Variants in LAMC2 observed in about 807,000 individuals in gnomAD.
LAMC2 encodes the protein laminin subunit gamma 2, also known as laminin subunit gamma-2.
In LAMC2, 97 loss-of-function variants were observed where a neutral mutation model predicts 140.2. The observed-to-expected ratio is 0.69, with a 90% CI of 0.59 to 0.82. The LOEUF (loss-of-function observed/expected upper bound fraction) is 0.82, where lower values mean the gene tolerates loss of function less well. Ranked by LOEUF, LAMC2 falls within the 40% of genes least tolerant of loss-of-function variation. The pLI is 0.00. For missense variants in LAMC2, 1,402 were observed against 1,476.1 expected, an observed-to-expected ratio of 0.95 and a Z score of 0.82; for synonymous variants, 513 against 540.2, an observed-to-expected ratio of 0.95 and a Z score of 0.70.
chr1:183,221,979 C>T (rs1359603002), intron 5 of LAMC2, 110 bp from the exon 6 acceptor site: 14 of 1,336,182 alleles, frequency 1.0e-5, no homozygotes, highest in Middle Eastern at 2.0e-4. Context: ...ATTGAGAAAA[C>T]CCCACTTTCT....
Position 183,220,938 on chromosome 1 carries a change from A to C in LAMC2, c.617A>C (p.Lys206Thr). ...AGCTCTGCAGAATACAGTGTCCATA[A>C]GATCACCTCTACCTTTCATCAAGGT... ...CRSSAEYSVH[K>T]ITSTFHQDVD... is the part of the protein sequence containing the mutation. The change falls in exon 5 of 23, where the codon AAG (lysine) becomes ACG (threonine). Residue 206 changes from lysine (K) to threonine (T), a missense_variant. Coordinates refer to ENST00000264144, the MANE Select transcript of LAMC2 (RefSeq NM_005562.3). The C allele has an allele frequency of 6.2e-7, 1 of 1,614,194 alleles. No individual in the cohort carries two copies. The highest frequency in any genetic ancestry group is 8.5e-7 in the Non-Finnish European group (1 of 1,180,006).
In LAMC2 at chr1:183,232,610, A is replaced by AC. The variant is rs749650412; in HGVS notation, c.2015-39dup. The AC allele has an allele frequency of 2.6e-6, 4 of 1,555,568 alleles. No individual in the cohort carries two copies. The African/African-American group carries it at 5.4e-5, about 21-fold the overall frequency. ...CGTTATGTTTGCTAACTCTATGCTG[A>AC]CCCAGAAAGTGCTCATGCTCCCTTT... On this transcript the variant is annotated intron_variant, in intron 13 of 22. Coordinates refer to ENST00000264144, the MANE Select transcript of LAMC2 (RefSeq NM_005562.3).
At chr1:183,250,255 G>C in the LAMC2 span, 2 of 152,192 alleles carry the variant, frequency 1.3e-5, no homozygotes, top group Admixed American at 1.3e-4. Context: ...AGCACTCTGT[G>C]GGTCTTCCTT....
At chr1:183,233,021 T>C (rs1404644417) in intron 14 of LAMC2, among the ~76,000 whole-genome samples, 164 bp downstream of exon 14, 1 of 152,252 alleles carries the variant, frequency 6.6e-6, no homozygotes, top group Non-Finnish European at 1.5e-5. Context: ...CATCTATTTA[T>C]GTCTTTGGCC....
chr1:183,188,204 C>T (rs967228546), intron 1 of LAMC2, among the ~76,000 whole-genome samples: 2 of 152,176 alleles, frequency 1.3e-5, no homozygotes, highest in African/African-American at 4.8e-5. Flanking sequence ...TATTCTCCCT[C>T]CTCAGAGGCC....
downstream of LAMC2, among the ~76,000 whole-genome samples, chr1:183,245,730 A>G (rs1660227639): frequency 6.6e-6 from 1 of 152,228 alleles, no homozygotes; most frequent in African/African-American, 2.4e-5. Context: ...ATGAAAGGAG[A>G]AAATGCATTG....
intron 2 of LAMC2, among the ~76,000 whole-genome samples, chr1:183,213,164 A>C (rs989158594): frequency 2.6e-5 from 4 of 152,254 alleles, no homozygotes; most frequent in African/African-American, 7.2e-5. Flanking sequence ...CTTTTAATTC[A>C]CTACTAAATA....
chr1:183,192,918 A>G (rs927945120), intron 1 of LAMC2, among the ~76,000 whole-genome samples: 6 of 152,052 alleles, frequency 3.9e-5, no homozygotes, highest in Admixed American at 3.9e-4. Context: ...GTTAGCCACG[A>G]TGGTCTCAGG....
chr1:183,238,411 A>G lies in LAMC2; in HGVS notation c.2859A>G (p.Lys953=). The G allele has an allele frequency of 1.2e-6, 2 of 1,609,862 alleles. No individual in the cohort carries two copies. The highest frequency in any genetic ancestry group is 1.7e-6 in the Non-Finnish European group (2 of 1,176,074). Residue 953 remains lysine (K), a synonymous_variant, in exon 19 of 23, where the codon AAA becomes AAG. Coordinates refer to ENST00000264144, the MANE Select transcript of LAMC2 (RefSeq NM_005562.3). Reference sequence around the variant, plus strand: ...TTTATGAAGTTGAGAGCATCCTTAAAAACCTCAGAGGTTAGTACTTCATGG... The same window carrying G: ...TTTATGAAGTTGAGAGCATCCTTAAGAACCTCAGAGGTTAGTACTTCATGG... ...ATFYEVESIL[K]NLREFDLQVD... is the part of the protein sequence containing the mutation.
rs747107968 is a variant in LAMC2, at chr1:183,194,992, G to A, written c.79+8561G>A. On this transcript the variant is annotated intron_variant, in intron 1 of 22. Coordinates refer to ENST00000264144, the MANE Select transcript of LAMC2 (RefSeq NM_005562.3). Reference sequence around the variant, plus strand: ...CTGCAGCTGACAGCAGCTGTCTTGCGGTAGAGCCTTTGACAGTGCCAGCTA... The same window carrying A: ...CTGCAGCTGACAGCAGCTGTCTTGCAGTAGAGCCTTTGACAGTGCCAGCTA... Among the ~76,000 whole-genome samples, 25 of 152,256 alleles carry A rather than the reference G, an allele frequency of 1.6e-4. No individual in the cohort carries two copies. In the East Asian group the frequency reaches 4.1e-3, roughly 25 times the overall value.
Position 183,232,248 on chromosome 1 carries a change from G to A in LAMC2, c.1919G>A (p.Gly640Asp). The change falls in exon 13 of 23, where the codon GGT (glycine) becomes GAT (aspartate). Residue 640 changes from glycine (G) to aspartate (D), a missense_variant. By Grantham distance (94) the Gly-to-Asp change is moderately conservative (BLOSUM62 -1). Around this residue, in one of 3 missense-constraint regions of LAMC2, gnomAD observed 670 missense variants for 667.2 expected, o/e 1.00. Coordinates refer to ENST00000264144, the MANE Select transcript of LAMC2 (RefSeq NM_005562.3). ...GCCCTGATTTCAAAGGCTCAGGGTG[G>A]TGATGGAGTAGTACCTGATACAGAG... ...MEALISKAQG[G>D]DGVVPDTELE... 1 of 1,614,062 alleles carries A rather than the reference G, an allele frequency of 6.2e-7. No individual in the cohort carries two copies. Among genetic ancestry groups the A allele is most frequent in the Non-Finnish European group, 8.5e-7 (1 of 1,180,026 alleles).
chr1:183,226,582 A>T lies in LAMC2; in HGVS notation c.1067-116A>T, dbSNP rs1195224768. 6 of 898,540 alleles carry T rather than the reference A, an allele frequency of 6.7e-6. No homozygotes were observed. The African/African-American group carries it at 9.7e-5, about 15-fold the overall frequency. The allele number at this position is 898,540 out of a possible 1,614,324, so 55.7% of individuals were successfully genotyped here. ...CATACCTCTCTACATGGCATGATAT[A>T]TGAACACCACCTGTCTTTGTTAGGG... On this transcript the variant is annotated intron_variant, in intron 8 of 22. Coordinates refer to ENST00000264144, the MANE Select transcript of LAMC2 (RefSeq NM_005562.3).
intron 14 of LAMC2, among the ~76,000 whole-genome samples, chr1:183,233,807 A>G (rs547992668): frequency 2.0e-5 from 3 of 149,704 alleles, no homozygotes; most frequent in South Asian, 4.2e-4. Context: ...TTTTATGTAT[A>G]TATATTTTAA....
intron 1 of LAMC2, among the ~76,000 whole-genome samples, chr1:183,189,779 G>A (rs1257602897): frequency 6.6e-6 from 1 of 152,190 alleles, no homozygotes; most frequent in African/African-American, 2.4e-5. Flanking sequence ...GTAATAACTG[G>A]TGTTCAGATA....
intron 1 of LAMC2, among the ~76,000 whole-genome samples, chr1:183,203,436 GA>G (rs1658783128): frequency 6.6e-6 from 1 of 152,152 alleles, no homozygotes; most frequent in South Asian, 2.1e-4. Flanking sequence ...CCAGTTGCAG[GA>G]ATATTCTAGA....
chr1:183,238,373 G>A lies in LAMC2; in HGVS notation c.2821G>A (p.Gly941Ser). The part of the protein sequence containing the change: ...KSRAQEALSM[G>S]NATFYEVESI... Reference sequence around the variant, plus strand: ...CAGAGCACAAGAAGCACTGAGTATGGGCAATGCCACTTTTTATGAAGTTGA... The same window carrying A: ...CAGAGCACAAGAAGCACTGAGTATGAGCAATGCCACTTTTTATGAAGTTGA... The change falls in exon 19 of 23, where the codon GGC becomes AGC. Residue 941 changes from glycine (G) to serine (S), a missense_variant. This residue lies in a region of LAMC2 where 670 missense variants were observed against 667.2 expected (regional missense o/e 1.00). Transcript: ENST00000264144. 6.2e-7 allele frequency: 1 copy of A among 1,613,996 alleles called. No individual in the cohort carries two copies. The highest frequency in any genetic ancestry group is 8.5e-7 in the Non-Finnish European group (1 of 1,179,910).
At chr1:183,217,593 G>A (rs1459226481) in intron 3 of LAMC2, among the ~76,000 whole-genome samples, 2 of 152,196 alleles carry the variant, frequency 1.3e-5, no homozygotes, top group Non-Finnish European at 2.9e-5. Context: ...CTATGACATA[G>A]ATGAACCTCA....
In LAMC2 at chr1:183,243,851, A is replaced by G. The variant is rs1660188680; in HGVS notation, c.*451A>G. The G allele has an allele frequency of 4.2e-6, 1 of 240,332 alleles. No homozygotes were observed. Among genetic ancestry groups the G allele is most frequent in the Admixed American group, 5.1e-5 (1 of 19,424 alleles). The allele number at this position is 240,332 out of a possible 1,614,324, so 14.9% of individuals were successfully genotyped here. A position where few individuals can be genotyped will look rare whatever the true frequency, so the allele number is the denominator to read the frequency against. The stretch of plus-strand genomic sequence containing the variant: ...TGTCAGAACAGAGTGCAACCCAGTC[A>G]CACTGTGGCCAGTAAAATACTATTG... On this transcript the variant is annotated 3_prime_UTR_variant, in exon 23 of 23. Transcript: ENST00000264144.
the LAMC2 span, chr1:183,250,903 C>CTT: frequency 1.3e-5 from 2 of 152,598 alleles, no homozygotes; most frequent in Non-Finnish European, 2.9e-5. Context: ...TTTCAGGTCC[C>CTT]ACCTGGCCCT....
Sources: allele counts gnomAD v4.1 joint callset (sites outside exome capture counted in the v4.1 genomes callset), GRCh38; gene constraint gnomAD v4.1.1; regional missense constraint gnomAD v4.1.1; transcripts MANE v1.5; gene names NCBI Gene and HGNC (gene_info 2026-07-23, HGNC 2026-07-21).